JARID2: variants seen among roughly 807,000 people sequenced by gnomAD.
The protein encoded by JARID2 is jumonji and AT-rich interaction domain containing 2, also known as protein Jumonji.
In JARID2, 21 loss-of-function variants were observed where a neutral mutation model predicts 125.6. The ratio of observed to expected loss-of-function variants is 0.17; its 90% CI spans 0.12 to 0.24. The LOEUF is 0.24. JARID2 is among the 10% of genes least tolerant of loss of function. The probability of loss-of-function intolerance (pLI) is 1.00; values close to 1 mark genes in which losing one functional copy is unlikely to be tolerated. For missense variants in JARID2, 1,303 were observed against 1,639.6 expected, an observed-to-expected ratio of 0.79 and a Z score of 3.55; for synonymous variants, 736 against 661.6, an observed-to-expected ratio of 1.11 and a Z score of -1.73.
chr6:15,381,341 C>CAAAAA (rs11358363), intron 2 of JARID2, among the ~76,000 whole-genome samples: 14 of 92,954 alleles, frequency 1.5e-4, no homozygotes, highest in South Asian at 7.0e-4. Flanking sequence ...ACTCCTGTCT[C>CAAAAA]AAAAAAAAAA....
chr6:15,434,743 A>G (rs746202881), intron 3 of JARID2, among the ~76,000 whole-genome samples: 3 of 152,210 alleles, frequency 2.0e-5, no homozygotes, highest in Non-Finnish European at 4.4e-5. Flanking sequence ...CATCTATCAG[A>G]AGGAGATAAG....
chr6:15,290,289 G>A (rs1317860446), intron 1 of JARID2, among the ~76,000 whole-genome samples: 1 of 152,170 alleles, frequency 6.6e-6, no homozygotes, highest in Non-Finnish European at 1.5e-5. Flanking sequence ...ATTTATTGAT[G>A]TGCTGGCTGA....
chr6:15,399,060 T>C (rs1765322055), intron 2 of JARID2, among the ~76,000 whole-genome samples: 1 of 152,216 alleles, frequency 6.6e-6, no homozygotes, highest in Non-Finnish European at 1.5e-5. Context: ...ATCCCCCGAA[T>C]GTCCTTTAAT....
At chr6:15,345,301 C>A (rs1288046854) in intron 1 of JARID2, among the ~76,000 whole-genome samples, 1 of 152,158 alleles carries the variant, frequency 6.6e-6, no homozygotes, top group African/African-American at 2.4e-5. Flanking sequence ...TTTGGAAGTA[C>A]AAAAATTCAC....
At chr6:15,489,232 G>GT (rs565025334) in intron 6 of JARID2, among the ~76,000 whole-genome samples, 118 of 152,192 alleles carry the variant, frequency 7.8e-4, no homozygotes, top group African/African-American at 2.3e-3. Flanking sequence ...GCTTTTTTGA[G>GT]TTTTTTTAGT....
At chr6:15,417,607 G>A (rs1314133729) in intron 3 of JARID2, among the ~76,000 whole-genome samples, 1 of 152,180 alleles carries the variant, frequency 6.6e-6, no homozygotes, top group East Asian at 1.9e-4. Flanking sequence ...AGCTGGGCCT[G>A]TTGACATGAG....
intron 4 of JARID2, among the ~76,000 whole-genome samples, chr6:15,464,980 C>G (rs1768642521): frequency 6.6e-6 from 1 of 152,208 alleles, no homozygotes; most frequent in Admixed American, 6.5e-5. Context: ...ACTTTGAGAG[C>G]AAGTTCCTCA....
At chr6:15,369,435 C>G (rs1764088002) in intron 1 of JARID2, 3 of 318,574 alleles carry the variant, frequency 9.4e-6, no homozygotes, top group Non-Finnish European at 2.0e-5. Context: ...CACTTCTCCT[C>G]TAAAGGGCGT....
chr6:15,293,719 C>G (rs1761308124), intron 1 of JARID2, among the ~76,000 whole-genome samples: 1 of 152,230 alleles, frequency 6.6e-6, no homozygotes, highest in Non-Finnish European at 1.5e-5. Flanking sequence ...TCCTCACAGC[C>G]TGTGCCGGAT....
intron 4 of JARID2, among the ~76,000 whole-genome samples, chr6:15,464,678 T>C (rs1561880683): frequency 1.3e-5 from 2 of 152,194 alleles, no homozygotes; most frequent in Non-Finnish European, 2.9e-5. Flanking sequence ...TTTATTCTGC[T>C]TCAATCCCTT....
intron 12 of JARID2, chr6:15,509,108 C>T (rs1236129729): frequency 3.1e-6 from 4 of 1,289,196 alleles, no homozygotes; most frequent in Non-Finnish European, 4.0e-6. Context: ...TGGGTCCCCG[C>T]CTGTAATCTG....
chr6:15,432,472 A>AT (rs1491583477), intron 3 of JARID2, among the ~76,000 whole-genome samples: 1 of 151,434 alleles, frequency 6.6e-6, no homozygotes, highest in Non-Finnish European at 1.5e-5. Flanking sequence ...AACAACAACA[A>AT]CAACAACAAG....
At chr6:15,323,968 G>A (rs1762444631) in intron 1 of JARID2, among the ~76,000 whole-genome samples, 1 of 151,568 alleles carries the variant, frequency 6.6e-6, no homozygotes. Context: ...GGATCACAAG[G>A]TCAGCAGATC....
At chr6:15,278,757 G>C (rs1183825013) in intron 1 of JARID2, among the ~76,000 whole-genome samples, 1 of 151,942 alleles carries the variant, frequency 6.6e-6, no homozygotes, top group Non-Finnish European at 1.5e-5. Flanking sequence ...ATTGATTGGA[G>C]GACTGGTTTG....
intron 2 of JARID2, among the ~76,000 whole-genome samples, chr6:15,401,650 C>T (rs1007037424): frequency 6.6e-6 from 1 of 152,074 alleles, no homozygotes; most frequent in Non-Finnish European, 1.5e-5. Context: ...GGATTGAGAC[C>T]TTTAAACTTC....
At chr6:15,294,043 C>A (rs957702814) in intron 1 of JARID2, among the ~76,000 whole-genome samples, 1 of 152,200 alleles carries the variant, frequency 6.6e-6, no homozygotes, top group Non-Finnish European at 1.5e-5. Flanking sequence ...TTGCAGTAGT[C>A]AGGACTTCTA....
intron 1 of JARID2, among the ~76,000 whole-genome samples, chr6:15,329,950 A>T (rs1762653501): frequency 6.6e-6 from 1 of 152,232 alleles, no homozygotes; most frequent in African/African-American, 2.4e-5. Flanking sequence ...ATAGATGTTC[A>T]GCAGATTCTT....
chr6:15,449,015 A>G (rs988115616), intron 3 of JARID2, among the ~76,000 whole-genome samples: 9 of 151,662 alleles, frequency 5.9e-5, no homozygotes, highest in Middle Eastern at 3.2e-3. Flanking sequence ...TTAAAAGGGG[A>G]AAAACAACCA....
intron 1 of JARID2, among the ~76,000 whole-genome samples, chr6:15,253,367 A>G (rs1343145600): frequency 6.6e-6 from 1 of 152,034 alleles, no homozygotes; most frequent in Non-Finnish European, 1.5e-5. Flanking sequence ...CTGGCCAAAT[A>G]AGGATTTTTA....
Sources: gnomAD v4.1 joint callset for allele counts (sites outside exome capture counted in the v4.1 genomes callset) on GRCh38, gnomAD v4.1.1 for gene constraint, MANE v1.5 for transcripts, NCBI Gene and HGNC (gene_info 2026-07-23, HGNC 2026-07-21) for gene names.